Variants in TOX observed in about 807,000 individuals in gnomAD.
The protein encoded by TOX is thymocyte selection-associated high mobility group box protein TOX.
In TOX, 11 loss-of-function variants were observed where a neutral mutation model predicts 53.7. That is an observed-to-expected ratio of 0.20 (90% confidence interval 0.13 to 0.34). The LOEUF (loss-of-function observed/expected upper bound fraction) is 0.34. Ranked by LOEUF, TOX falls within the 10% of genes least tolerant of loss-of-function variation. The probability of loss-of-function intolerance (pLI) is 1.00; values close to 1 mark genes in which losing one functional copy is unlikely to be tolerated. For synonymous variants in TOX, 225 were observed against 245.3 expected (o/e 0.92, Z 0.77); for missense variants, 570 against 664.6 (o/e 0.86, Z 1.56).
At chr8:58,927,486 C>A (rs543971289) in intron 3 of TOX, among the ~76,000 whole-genome samples, 16 of 152,314 alleles carry the variant, frequency 1.1e-4, no homozygotes, top group African/African-American at 3.8e-4. Flanking sequence ...CTGTGCTCTG[C>A]ATCTTTGTCC....
intron 1 of TOX, among the ~76,000 whole-genome samples, chr8:59,058,526 G>C (rs1803922942): frequency 6.6e-6 from 1 of 152,086 alleles, no homozygotes; most frequent in Non-Finnish European, 1.5e-5. Flanking sequence ...TTTCTCTTTG[G>C]AGACACTAAG....
At chr8:59,023,520 C>CA (rs1387225948) in intron 1 of TOX, among the ~76,000 whole-genome samples, 1 of 152,130 alleles carries the variant, frequency 6.6e-6, no homozygotes, top group African/African-American at 2.4e-5. Flanking sequence ...ATAGGAGACT[C>CA]AGTCTATGGC....
At chr8:59,075,363 T>A (rs1804274090) in intron 1 of TOX, among the ~76,000 whole-genome samples, 1 of 152,118 alleles carries the variant, frequency 6.6e-6, no homozygotes, top group Non-Finnish European at 1.5e-5. Flanking sequence ...CATGAGACCC[T>A]CACATGAGAG....
At chr8:59,078,603 C>T (rs76026936) in intron 1 of TOX, among the ~76,000 whole-genome samples, 6,811 of 152,186 alleles carry the variant, frequency 0.045, 201 homozygotes, top group Middle Eastern at 0.15. Flanking sequence ...ATTCGTGAAC[C>T]AATTAAACCT....
At chr8:58,874,483 C>G (rs1021275720) in intron 3 of TOX, among the ~76,000 whole-genome samples, 1 of 151,906 alleles carries the variant, frequency 6.6e-6, no homozygotes, top group African/African-American at 2.4e-5. Context: ...CATTTCAGAG[C>G]CAAGATTAGA....
chr8:59,102,098 T>C (rs1408703383), intron 1 of TOX, among the ~76,000 whole-genome samples: 2 of 152,214 alleles, frequency 1.3e-5, no homozygotes, highest in African/African-American at 2.4e-5. Flanking sequence ...AAGAGGTTTA[T>C]TGGACTTACA....
chr8:58,959,916 C>T (rs770356070), intron 2 of TOX, 27 bp downstream of exon 2: 16 of 1,613,380 alleles, frequency 9.9e-6, no homozygotes, highest in Admixed American at 1.7e-5. Flanking sequence ...CAATTTGAAA[C>T]AAGGCAGAGA....
chr8:58,820,639 G>A (rs1323091453), intron 6 of TOX, among the ~76,000 whole-genome samples: 1 of 152,184 alleles, frequency 6.6e-6, no homozygotes, highest in Non-Finnish European at 1.5e-5. Flanking sequence ...AGCCAAGTCT[G>A]CGGGTTATAT....
chr8:58,919,225 C>CA (rs1812032521), intron 3 of TOX, among the ~76,000 whole-genome samples: 1 of 139,498 alleles, frequency 7.2e-6, no homozygotes, highest in African/African-American at 2.8e-5. Flanking sequence ...CATATGGAAC[C>CA]AAAAAAGAGC....
At chr8:59,065,497 T>C (rs1441143660) in intron 1 of TOX, among the ~76,000 whole-genome samples, 2 of 152,226 alleles carry the variant, frequency 1.3e-5, no homozygotes, top group African/African-American at 4.8e-5. Flanking sequence ...TCTATGTTAT[T>C]ACTTGCATAT....
At position 58,914,963 on chromosome 8, in the gene TOX, C is replaced by A. The variant is rs375157175; in HGVS notation, c.411+24339G>T. ...GATGGACGCACCTGGAAAATTGGGT[C>A]ACTCCCACCCGAATATTGCGCTTTT... On this transcript the variant is annotated intron_variant, in intron 3 of 8. Coordinates refer to ENST00000361421, the MANE Select transcript of TOX (RefSeq NM_014729.3). Among the ~76,000 whole-genome samples, 487 of 152,062 alleles carry A rather than the reference C, an allele frequency of 3.2e-3. 5 individuals carry two copies. Among genetic ancestry groups the A allele is most frequent in the African/African-American group, 0.011 (462 of 41,402 alleles).
At chr8:58,945,757 G>A (rs564716447) in intron 2 of TOX, among the ~76,000 whole-genome samples, 44 of 152,130 alleles carry the variant, frequency 2.9e-4, no homozygotes, top group African/African-American at 9.9e-4. Context: ...GTTTTCATAC[G>A]GCCCAGAGAG....
intron 3 of TOX, among the ~76,000 whole-genome samples, chr8:58,886,037 C>T (rs879722259): frequency 3.7e-4 from 56 of 152,182 alleles, no homozygotes; most frequent in Non-Finnish European, 3.5e-4. Flanking sequence ...TACATCTGCC[C>T]CAATTTATCC....
At chr8:58,924,657 A>T (rs1047715233) in intron 3 of TOX, among the ~76,000 whole-genome samples, 1 of 152,226 alleles carries the variant, frequency 6.6e-6, no homozygotes, top group African/African-American at 2.4e-5. Context: ...TATTTTATGC[A>T]TCATAAAGTT....
intron 3 of TOX, among the ~76,000 whole-genome samples, chr8:58,884,126 G>A (rs1037454877): frequency 1.3e-5 from 2 of 152,140 alleles, no homozygotes; most frequent in South Asian, 4.1e-4. Context: ...ATAGAGACAA[G>A]CAATTGGAAT....
At chr8:59,002,819 A>C (rs537299096) in intron 1 of TOX, among the ~76,000 whole-genome samples, 2 of 152,230 alleles carry the variant, frequency 1.3e-5, no homozygotes, top group East Asian at 3.8e-4. Context: ...ACGTTAAAGC[A>C]GTTTAGTTAC....
At chr8:58,922,935 C>T (rs1294141276) in intron 3 of TOX, among the ~76,000 whole-genome samples, 1 of 151,832 alleles carries the variant, frequency 6.6e-6, no homozygotes, top group Non-Finnish European at 1.5e-5. Context: ...AGATCTGGGG[C>T]AAGCGTGTTC....
chr8:58,965,128 C>T (rs532859695), intron 1 of TOX, among the ~76,000 whole-genome samples: 1 of 152,230 alleles, frequency 6.6e-6, no homozygotes, highest in East Asian at 1.9e-4. Context: ...CATACTAGGG[C>T]TTTTAATTTC....
intron 5 of TOX, among the ~76,000 whole-genome samples, chr8:58,829,565 T>C (rs1810419464): frequency 6.6e-6 from 1 of 152,178 alleles, no homozygotes; most frequent in East Asian, 1.9e-4. Context: ...CCTGTAATTG[T>C]GTTGAAAGGG....
Sources: allele counts gnomAD v4.1 joint callset (sites outside exome capture counted in the v4.1 genomes callset), GRCh38; gene constraint gnomAD v4.1.1; transcripts MANE v1.5; gene names NCBI Gene and HGNC (gene_info 2026-07-23, HGNC 2026-07-21).